CDKAL1: variants seen among roughly 807,000 people sequenced by gnomAD.
CDKAL1 encodes threonylcarbamoyladenosine tRNA methylthiotransferase.
In CDKAL1, 32 loss-of-function variants were observed where a neutral mutation model predicts 68.2. That is an observed-to-expected ratio of 0.47 (90% CI 0.35 to 0.63). The LOEUF (loss-of-function observed/expected upper bound fraction) is 0.63, where lower values mean the gene tolerates loss of function less well. Ranked by LOEUF, CDKAL1 falls within the 30% of genes least tolerant of loss-of-function variation. The pLI, the probability that CDKAL1 is intolerant of heterozygous loss-of-function variation, is 0.00. For missense variants in CDKAL1, 606 were observed against 696.7 expected, an observed-to-expected ratio of 0.87 and a Z score of 1.47; for synonymous variants, 234 against 244.3, an observed-to-expected ratio of 0.96 and a Z score of 0.39.
chr6:21,180,445 G>A (rs1368460247), intron 13 of CDKAL1, among the ~76,000 whole-genome samples: 1 of 150,618 alleles, frequency 6.6e-6, no homozygotes, highest in Non-Finnish European at 1.5e-5. Flanking sequence ...CTTGTTTTAA[G>A]TCAGCTATTT....
At chr6:21,156,684 TG>T (rs1776663072) in intron 13 of CDKAL1, among the ~76,000 whole-genome samples, 1 of 151,986 alleles carries the variant, frequency 6.6e-6, no homozygotes, top group African/African-American at 2.4e-5. Flanking sequence ...GGAAGAACGA[TG>T]GATGTAAGGA....
chr6:21,002,659 A>T (rs1052840019), intron 11 of CDKAL1, among the ~76,000 whole-genome samples: 3 of 131,546 alleles, frequency 2.3e-5, no homozygotes, highest in Non-Finnish European at 5.1e-5. Context: ...ACCTATTTTA[A>T]AAAAAAAAAA....
At chr6:21,191,034 C>G (rs760203427) in intron 13 of CDKAL1, among the ~76,000 whole-genome samples, 7 of 152,150 alleles carry the variant, frequency 4.6e-5, no homozygotes, top group Non-Finnish European at 7.4e-5. Flanking sequence ...TAAGAGAAAC[C>G]TTTTGCTTTT....
chr6:20,923,906 G>C (rs986063773), intron 9 of CDKAL1, among the ~76,000 whole-genome samples: 1 of 152,036 alleles, frequency 6.6e-6, no homozygotes, highest in Non-Finnish European at 1.5e-5. Flanking sequence ...TAGCTACCAG[G>C]GAGGCTGAAG....
rs1270149457 is a variant in CDKAL1, at chr6:20,788,355, A to G, written c.638+7090A>G. 2.0e-5 allele frequency among the ~76,000 whole-genome samples: 3 copies of G among 152,220 alleles called. No individual in the cohort carries two copies. In the East Asian group the frequency reaches 5.8e-4, roughly 29 times the overall value. ...CTCTCATGAAACTTAAAATCTAGGT[A>G]TTATAACTGCTATATTTGCACACCG... is the stretch of plus-strand genomic sequence containing the variant. On this transcript the variant is annotated intron_variant, in intron 8 of 15. Coordinates refer to ENST00000274695, the MANE Select transcript of CDKAL1 (RefSeq NM_017774.3).
At chr6:21,006,102 G>A (rs977788731) in intron 11 of CDKAL1, among the ~76,000 whole-genome samples, 1 of 152,102 alleles carries the variant, frequency 6.6e-6, no homozygotes, top group Admixed American at 6.5e-5. Flanking sequence ...CTGCAAAAAG[G>A]ATGCTAAATT....
intron 8 of CDKAL1, among the ~76,000 whole-genome samples, chr6:20,785,461 A>G (rs12210335): frequency 6.6e-6 from 1 of 151,768 alleles, no homozygotes; most frequent in African/African-American, 2.4e-5. Flanking sequence ...GACTTCAGGC[A>G]CACGCCACCA....
chr6:20,702,821 G>A (rs962264904), intron 5 of CDKAL1, among the ~76,000 whole-genome samples: 3 of 152,132 alleles, frequency 2.0e-5, no homozygotes, highest in Admixed American at 6.5e-5. Context: ...TCCTCACCTA[G>A]GTCTGTGGGG....
chr6:20,896,992 A>G (rs1344768688), intron 9 of CDKAL1, among the ~76,000 whole-genome samples: 3 of 152,178 alleles, frequency 2.0e-5, no homozygotes, highest in African/African-American at 7.2e-5. Flanking sequence ...ATGCCTTCGA[A>G]TGAGTATAAA....
At chr6:21,140,607 G>A (rs1041983040) in intron 13 of CDKAL1, among the ~76,000 whole-genome samples, 3 of 152,258 alleles carry the variant, frequency 2.0e-5, no homozygotes, top group Admixed American at 6.5e-5. Context: ...GGGTTTGGTC[G>A]TTGCTAGTGG....
chr6:20,899,709 G>A (rs1322833497), intron 9 of CDKAL1, among the ~76,000 whole-genome samples: 1 of 152,120 alleles, frequency 6.6e-6, no homozygotes, highest in Admixed American at 6.5e-5. Flanking sequence ...TGGGCATGGT[G>A]GCCCATGCCT....
intron 13 of CDKAL1, among the ~76,000 whole-genome samples, chr6:21,136,713 G>A (rs1172105196): frequency 6.6e-6 from 1 of 151,562 alleles, no homozygotes; most frequent in Non-Finnish European, 1.5e-5. Context: ...AAACTGTTGT[G>A]GTTCTTGTGT....
chr6:21,163,726 G>T (rs994838859), intron 13 of CDKAL1, among the ~76,000 whole-genome samples: 1 of 152,170 alleles, frequency 6.6e-6, no homozygotes, highest in Non-Finnish European at 1.5e-5. Flanking sequence ...CGAGAGACGG[G>T]TGGATCACCT....
At chr6:21,174,803 GA>G (rs1159729261) in intron 13 of CDKAL1, among the ~76,000 whole-genome samples, 1 of 152,016 alleles carries the variant, frequency 6.6e-6, no homozygotes, top group Non-Finnish European at 1.5e-5. Flanking sequence ...TCCACTTCTA[GA>G]AAAATGCTCA....
At chr6:20,678,026 A>G (rs1770196207) in intron 5 of CDKAL1, among the ~76,000 whole-genome samples, 1 of 151,020 alleles carries the variant, frequency 6.6e-6, no homozygotes, top group Admixed American at 6.6e-5. Context: ...GGGTGCTTGA[A>G]AAGAAGGTGT....
At chr6:20,599,814 G>A (rs1449599285) in intron 4 of CDKAL1, among the ~76,000 whole-genome samples, 1 of 152,142 alleles carries the variant, frequency 6.6e-6, no homozygotes, top group East Asian at 1.9e-4. Context: ...TGAGCAAAAT[G>A]TTAACTCCTT....
chr6:20,739,465 A>G, intron 5 of CDKAL1, 54 bp from the exon 6 acceptor site: 1 of 1,122,836 alleles, frequency 8.9e-7, no homozygotes, highest in Non-Finnish European at 1.3e-6. Context: ...AACAGTTTCC[A>G]AGAGTATACC....
intron 13 of CDKAL1, among the ~76,000 whole-genome samples, chr6:21,126,625 A>C (rs1775028446): frequency 6.6e-6 from 1 of 151,586 alleles, no homozygotes; most frequent in African/African-American, 2.4e-5. Context: ...CTCATGAATC[A>C]GTTTCTATTT....
intron 5 of CDKAL1, among the ~76,000 whole-genome samples, chr6:20,693,957 C>T (rs1053251081): frequency 1.3e-5 from 2 of 151,436 alleles, no homozygotes; most frequent in Admixed American, 6.6e-5. Context: ...ACTGCAACCT[C>T]GATCTCCCAG....
Sources: gnomAD v4.1 joint callset for allele counts (sites outside exome capture counted in the v4.1 genomes callset) on GRCh38, gnomAD v4.1.1 for gene constraint, MANE v1.5 for transcripts, NCBI Gene and HGNC (gene_info 2026-07-23, HGNC 2026-07-21) for gene names.